The following FOXQ1 variants were observed in gnomAD, a reference collection of about 807,000 sequenced individuals.
FOXQ1 encodes the protein forkhead box protein Q1.
Under a neutral mutation model 0.6 loss-of-function variants are expected in FOXQ1, and 1 was observed. The ratio of observed to expected loss-of-function variants is 1.73; its 90% CI spans 0.61 to 8.20. The LOEUF (loss-of-function observed/expected upper bound fraction) is 8.20, where lower values mean the gene tolerates loss of function less well. FOXQ1 is among the 30% of genes most tolerant of loss of function. The pLI, the probability that FOXQ1 is intolerant of heterozygous loss-of-function variation, is 0.13. For missense variants in FOXQ1, 734 were observed against 595.6 expected, an observed-to-expected ratio of 1.23 and a Z score of -2.42; for synonymous variants, 377 against 294.4, an observed-to-expected ratio of 1.28 and a Z score of -2.87.
Position 1,312,925 on chromosome 6 carries a change from C to T in FOXQ1, c.221C>T (p.Ala74Val), listed in dbSNP as rs1162969602. 20 of 1,270,894 alleles carry T rather than the reference C, an allele frequency of 1.6e-5. No individual in the cohort carries two copies. The East Asian group carries it at 6.0e-4, about 38-fold the overall frequency. 78.7% of individuals were successfully genotyped at this position (1,270,894 alleles called of 1,614,324 possible). ...CAGAGTGCGGGAGGCGGGCCGGGCG[C>T]GGAGGAGGCGATCCCGGCAGCAGCT... ...GEQSAGGGPG[A>V]EEAIPAAAAA... Residue 74 changes from alanine (A) to valine (V), a missense_variant, in exon 1 of 1, where the codon GCG (alanine) becomes GTG (valine). Transcript: ENST00000296839.
In FOXQ1 at chr6:1,312,910, G is replaced by T. The variant is rs1232183706; in HGVS notation, c.206G>T (p.Gly69Val). Residue 69 changes from glycine (G) to valine (V), a missense_variant, in exon 1 of 1, where the codon GGA becomes GTA. Transcript: ENST00000296839. ...DTQGDGEQSA[G>V]GGPGAEEAIP... ...CAGGGCGACGGCGAACAGAGTGCGG[G>T]AGGCGGGCCGGGCGCGGAGGAGGCG... 6 of 1,279,780 alleles carry T rather than the reference G, an allele frequency of 4.7e-6. No homozygotes were observed. Among genetic ancestry groups the T allele is most frequent in the Non-Finnish European group, 5.9e-6 (6 of 1,017,364 alleles). The allele number at this position is 1,279,780 out of a possible 1,614,324, so 79.3% of individuals were successfully genotyped here.
chr6:1,313,506 TC>T lies in FOXQ1; in HGVS notation c.804del (p.Ser269AlafsTer134). The T allele has an allele frequency of 8.1e-7, 1 of 1,230,586 alleles. No homozygotes were observed. The highest frequency in any genetic ancestry group is 1.6e-5 in the South Asian group (1 of 61,318). The allele number at this position is 1,230,586 out of a possible 1,614,324, so 76.2% of individuals were successfully genotyped here. A position where few individuals can be genotyped will look rare whatever the true frequency, so the allele number is the denominator to read the frequency against. On this transcript the variant is annotated frameshift_variant, in exon 1 of 1. Coordinates refer to ENST00000296839, the MANE Select transcript of FOXQ1 (RefSeq NM_033260.4). LOFTEE classifies it low-confidence loss of function (END_TRUNC). This position sits in a 1 kb window ranked among gnomAD's most constrained non-coding sequence, Gnocchi z 5.2. ...EERASPAGKF[S>X]SSFAIDSILR... ...GCGCGCCAGCCCCGCGGGCAAGTTC[TC>T]CAGCTCCTTCGCCATCGACAGCATC...
At position 1,313,535 on chromosome 6, in the gene FOXQ1, G is replaced by T; in HGVS notation, c.831G>T (p.Leu277=). Residue 277 remains leucine, a synonymous_variant, in exon 1 of 1, where the codon CTG becomes CTT. Transcript: ENST00000296839. This position sits in a 1 kb window ranked among gnomAD's most constrained non-coding sequence, Gnocchi z 5.2. ...FSSSFAIDSI[L]RKPFRSRRLR... is the part of the protein sequence containing the mutation. ...GCTCCTTCGCCATCGACAGCATCCT[G>T]CGCAAGCCCTTCCGCAGCCGCCGCC... is the stretch of plus-strand genomic sequence containing the variant. 7.9e-7 allele frequency: 1 copy of T among 1,267,190 alleles called. No homozygotes were observed. Among genetic ancestry groups the T allele is most frequent in the South Asian group, 1.5e-5 (1 of 64,824 alleles). 78.5% of individuals were successfully genotyped at this position (1,267,190 alleles called of 1,614,324 possible).
Position 1,313,708 on chromosome 6 carries a change from G to C in FOXQ1, c.1004G>C (p.Gly335Ala). The C allele has an allele frequency of 3.7e-6, 4 of 1,072,968 alleles. No homozygotes were observed. The highest frequency in any genetic ancestry group is 4.5e-6 in the Non-Finnish European group (4 of 888,516). The allele number at this position is 1,072,968 out of a possible 1,614,324, so 66.5% of individuals were successfully genotyped here. ...GGCGCGGGCGAGCCGGCGCGGCTGG[G>C]CGCGCGCGAGGCCGAGGTGCCACCG... ...AYGAGEPARLGAREAEVPPTA... is the reference protein window; with the variant it reads ...AYGAGEPARLAAREAEVPPTA... The change falls in exon 1 of 1, where the codon GGC (glycine) becomes GCC (alanine). Residue 335 changes from glycine to alanine, a missense_variant. Coordinates refer to ENST00000296839, the MANE Select transcript of FOXQ1 (RefSeq NM_033260.4). The surrounding 1 kb of genome is among the most constrained non-coding windows in gnomAD (Gnocchi z 5.2).
chr6:1,313,432 C>T lies in FOXQ1; in HGVS notation c.728C>T (p.Pro243Leu), dbSNP rs557104756. 426 of 1,001,326 alleles carry T rather than the reference C, an allele frequency of 4.3e-4. 1 individual carries two copies. The African/African-American group carries it at 6.9e-3, about 16-fold the overall frequency. The allele number at this position is 1,001,326 out of a possible 1,614,324, so 62.0% of individuals were successfully genotyped here. Reference protein sequence around the residue: ...PGLPAAPPPAPAAPASPRMRS... With the variant: ...PGLPAAPPPALAAPASPRMRS... The stretch of plus-strand genomic sequence containing the variant: ...CTCCCCGCCGCCCCGCCGCCCGCGC[C>T]CGCCGCCCCGGCCTCGCCCCGCATG... The change falls in exon 1 of 1, where the codon CCC becomes CTC. Residue 243 changes from proline (P) to leucine (L), a missense_variant. Coordinates refer to ENST00000296839, the MANE Select transcript of FOXQ1 (RefSeq NM_033260.4). The surrounding 1 kb of genome is among the most constrained non-coding windows in gnomAD (Gnocchi z 5.2).
Position 1,312,817 on chromosome 6 carries a change from A to G in FOXQ1, c.113A>G (p.Asp38Gly). ...APSPLSAAGD[D>G]SLGSDGDCAA... ...TCCCCGCTGTCGGCGGCGGGAGACG[A>G]CTCCCTGGGCTCAGATGGGGACTGC... The change falls in exon 1 of 1, where the codon GAC becomes GGC. Residue 38 changes from aspartate (D) to glycine (G), a missense_variant. Asp to Gly is a moderately conservative substitution (Grantham distance 94). Coordinates refer to ENST00000296839, the MANE Select transcript of FOXQ1 (RefSeq NM_033260.4). 1 of 1,301,160 alleles carries G rather than the reference A, an allele frequency of 7.7e-7. No homozygotes were observed. Among genetic ancestry groups the G allele is most frequent in the Non-Finnish European group, 9.7e-7 (1 of 1,026,126 alleles). The allele number at this position is 1,301,160 out of a possible 1,614,324, so 80.6% of individuals were successfully genotyped here.
At position 1,313,867 on chromosome 6, in the gene FOXQ1, G is replaced by A. The variant is rs1462964118; in HGVS notation, c.1163G>A (p.Arg388His). 1.5e-6 allele frequency: 2 copies of A among 1,310,584 alleles called. No homozygotes were observed. The highest frequency in any genetic ancestry group is 2.3e-5 in the South Asian group (1 of 43,476). 81.2% of individuals were successfully genotyped at this position (1,310,584 alleles called of 1,614,324 possible). ...LPAALQAASV[R>H]RPGPHLPYPV... ...GCAGCCCTGCAGGCGGCCTCAGTCC[G>A]CCGCCCTGGCCCGCACCTGCCGTAC... The change falls in exon 1 of 1, where the codon CGC becomes CAC. Residue 388 changes from arginine to histidine, a missense_variant. Coordinates refer to ENST00000296839, the MANE Select transcript of FOXQ1 (RefSeq NM_033260.4). The surrounding 1 kb of genome is among the most constrained non-coding windows in gnomAD (Gnocchi z 5.2).
Position 1,313,528 on chromosome 6 carries a change from G to A in FOXQ1, c.824G>A (p.Ser275Asn). The change falls in exon 1 of 1, where the codon AGC becomes AAC. Residue 275 changes from serine (S) to asparagine (N), a missense_variant. By Grantham distance (46) the Ser-to-Asn change is conservative. Transcript: ENST00000296839. This position sits in a 1 kb window ranked among gnomAD's most constrained non-coding sequence, Gnocchi z 5.2. ...TTCTCCAGCTCCTTCGCCATCGACA[G>A]CATCCTGCGCAAGCCCTTCCGCAGC... ...GKFSSSFAID[S>N]ILRKPFRSRR... 2 of 1,264,442 alleles carry A rather than the reference G, an allele frequency of 1.6e-6. No individual in the cohort carries two copies. Among genetic ancestry groups the A allele is most frequent in the South Asian group, 1.5e-5 (1 of 65,806 alleles). 78.3% of individuals were successfully genotyped at this position (1,264,442 alleles called of 1,614,324 possible).
chr6:1,314,539 T>C lies in FOXQ1; in HGVS notation c.*623T>C, dbSNP rs1443647320. 6.0e-6 allele frequency: 1 copy of C among 166,960 alleles called. No individual in the cohort carries two copies. The highest frequency in any genetic ancestry group is 6.5e-5 in the Admixed American group (1 of 15,286). 10.3% of individuals were successfully genotyped at this position (166,960 alleles called of 1,614,324 possible). A position where few individuals can be genotyped will look rare whatever the true frequency, so the allele number is the denominator to read the frequency against. ...TGCAGGCAACGGGCTACAGCTTTAT[T>C]AGTGGTTCTCTAACTGTGGTCTCCT... On this transcript the variant is annotated 3_prime_UTR_variant, in exon 1 of 1. Transcript: ENST00000296839.
At position 1,314,340 on chromosome 6, in the gene FOXQ1, C is replaced by G. The variant is rs941496032; in HGVS notation, c.*424C>G. On this transcript the variant is annotated 3_prime_UTR_variant, in exon 1 of 1. Transcript: ENST00000296839. The stretch of plus-strand genomic sequence containing the variant: ...ACTACTGTTTGGGGTTTCTGGGCCC[C>G]CATCCGTGTACGTATGTGGCATTTC... 7 of 167,242 alleles carry G rather than the reference C, an allele frequency of 4.2e-5. No individual in the cohort carries two copies. The highest frequency in any genetic ancestry group is 1.7e-4 in the African/African-American group (7 of 41,454). The allele number at this position is 167,242 out of a possible 1,614,324, so 10.4% of individuals were successfully genotyped here. A position where few individuals can be genotyped will look rare whatever the true frequency, so the allele number is the denominator to read the frequency against.
chr6:1,312,956 A>C lies in FOXQ1; in HGVS notation c.252A>C (p.Ala84=). The C allele has an allele frequency of 7.8e-7, 1 of 1,282,310 alleles. No homozygotes were observed. Among genetic ancestry groups the C allele is most frequent in the East Asian group, 3.1e-5 (1 of 31,776 alleles). 79.4% of individuals were successfully genotyped at this position (1,282,310 alleles called of 1,614,324 possible). A position where few individuals can be genotyped will look rare whatever the true frequency, so the allele number is the denominator to read the frequency against. ...AEEAIPAAAA[A]AVVAEGAEAG... ...AGGCGATCCCGGCAGCAGCTGCTGC[A>C]GCGGTGGTGGCGGAGGGCGCGGAGG... The change falls in exon 1 of 1, where the codon GCA becomes GCC. Residue 84 remains alanine (A), a synonymous_variant. Transcript: ENST00000296839.
In FOXQ1 at chr6:1,313,023, G is replaced by C. The variant is rs751374101; in HGVS notation, c.319G>C (p.Glu107Gln). The C allele has an allele frequency of 1.1e-4, 164 of 1,456,118 alleles. 1 individual carries two copies. The East Asian group carries it at 4.3e-3, about 38-fold the overall frequency. The allele number at this position is 1,456,118 out of a possible 1,614,324, so 90.2% of individuals were successfully genotyped here. ...AGGCGCGGGCGGCGCGGGGAGCGGC[G>C]AGGGTGCACGCAGCAAGCCATATAC... ...GPGAGGAGSG[E>Q]GARSKPYTRR... Residue 107 changes from glutamate to glutamine, a missense_variant, in exon 1 of 1, where the codon GAG becomes CAG. Coordinates refer to ENST00000296839, the MANE Select transcript of FOXQ1 (RefSeq NM_033260.4). The surrounding 1 kb of genome is among the most constrained non-coding windows in gnomAD (Gnocchi z 5.2).
Position 1,312,740 on chromosome 6 carries a change from CG to C in FOXQ1, c.40del (p.Asp14ThrfsTer127), listed in dbSNP as rs752117907. ...AGGTGTTCGTCCCTCGCGCGGCCCA[CG>C]GGGACAAGCAGGGCAGTGACCTGGA... ...LEVFVPRAAH[G>X]DKQGSDLEGA... On this transcript the variant is annotated frameshift_variant, in exon 1 of 1. Coordinates refer to ENST00000296839, the MANE Select transcript of FOXQ1 (RefSeq NM_033260.4). LOFTEE classifies it low-confidence loss of function (END_TRUNC). 1.4e-5 allele frequency: 19 copies of C among 1,353,204 alleles called. No homozygotes were observed. The highest frequency in any genetic ancestry group is 1.8e-5 in the Non-Finnish European group (19 of 1,056,270). 83.8% of individuals were successfully genotyped at this position (1,353,204 alleles called of 1,614,324 possible).
Position 1,312,337 on chromosome 6 carries a change from A to G in FOXQ1, c.-368A>G. On this transcript the variant is annotated 5_prime_UTR_variant, in exon 1 of 1. Coordinates refer to ENST00000296839, the MANE Select transcript of FOXQ1 (RefSeq NM_033260.4). ...CCTCCTGGGCTCTTTAACGAGCAGC[A>G]GATGCGCATGCTGCTTCTCTCCGGC... 1 of 191,352 alleles carries G rather than the reference A, an allele frequency of 5.2e-6. No homozygotes were observed. Among genetic ancestry groups the G allele is most frequent in the East Asian group, 1.2e-4 (1 of 8,612 alleles). 11.9% of individuals were successfully genotyped at this position (191,352 alleles called of 1,614,324 possible).
chr6:1,313,934 G>A lies in FOXQ1; in HGVS notation c.*18G>A, dbSNP rs1360875105. On this transcript the variant is annotated 3_prime_UTR_variant, in exon 1 of 1. Coordinates refer to ENST00000296839, the MANE Select transcript of FOXQ1 (RefSeq NM_033260.4). This position sits in a 1 kb window ranked among gnomAD's most constrained non-coding sequence, Gnocchi z 5.2. ...TAGCCTGAGTAGCGCCGCGGGGCCC[G>A]GGAACGCCGAGTGCGCGCCGTCGGG... 3.3e-6 allele frequency: 4 copies of A among 1,225,490 alleles called. No homozygotes were observed. The highest frequency in any genetic ancestry group is 1.6e-5 in the African/African-American group (1 of 63,894). The allele number at this position is 1,225,490 out of a possible 1,614,324, so 75.9% of individuals were successfully genotyped here. A position where few individuals can be genotyped will look rare whatever the true frequency, so the allele number is the denominator to read the frequency against.
Position 1,313,408 on chromosome 6 carries a change from T to C in FOXQ1, c.704T>C (p.Leu235Pro). The change falls in exon 1 of 1, where the codon CTC becomes CCC. Residue 235 changes from leucine (L) to proline (P), a missense_variant. Coordinates refer to ENST00000296839, the MANE Select transcript of FOXQ1 (RefSeq NM_033260.4). This position sits in a 1 kb window ranked among gnomAD's most constrained non-coding sequence, Gnocchi z 5.2. ...CTGCGGCCCGAGGAGGCCCCGGGCC[T>C]CCCCGCCGCCCCGCCGCCCGCGCCC... is the stretch of plus-strand genomic sequence containing the variant. Reference protein sequence around the residue: ...PGLRPEEAPGLPAAPPPAPAA... With the variant: ...PGLRPEEAPGPPAAPPPAPAA... 1 of 1,054,404 alleles carries C rather than the reference T, an allele frequency of 9.5e-7. No individual in the cohort carries two copies. Among genetic ancestry groups the C allele is most frequent in the Non-Finnish European group, 1.1e-6 (1 of 874,944 alleles). The allele number at this position is 1,054,404 out of a possible 1,614,324, so 65.3% of individuals were successfully genotyped here.
At position 1,313,810 on chromosome 6, in the gene FOXQ1, G is replaced by A. The variant is rs1466499451; in HGVS notation, c.1106G>A (p.Gly369Asp). 5.1e-5 allele frequency: 65 copies of A among 1,281,220 alleles called. No homozygotes were observed. The highest frequency in any genetic ancestry group is 7.9e-5 in the South Asian group (3 of 37,792). The allele number at this position is 1,281,220 out of a possible 1,614,324, so 79.4% of individuals were successfully genotyped here. A position where few individuals can be genotyped will look rare whatever the true frequency, so the allele number is the denominator to read the frequency against. Residue 369 changes from glycine to aspartate, a missense_variant, in exon 1 of 1, where the codon GGC (glycine) becomes GAC (aspartate). Physicochemically the swap from Gly to Asp is moderately conservative, Grantham distance 94 (BLOSUM62 -1). Coordinates refer to ENST00000296839, the MANE Select transcript of FOXQ1 (RefSeq NM_033260.4). This position sits in a 1 kb window ranked among gnomAD's most constrained non-coding sequence, Gnocchi z 5.2. ...AKPLRGPAAG[G>D]AHLYCPLRLP... ...CCACTCCGAGGCCCGGCGGCCGGCG[G>A]CGCGCACCTGTACTGCCCCCTGCGG...
rs1269449468 is a variant in FOXQ1, at chr6:1,312,904, G to A, written c.200G>A (p.Ser67Asn). ...GATACGCAGGGCGACGGCGAACAGA[G>A]TGCGGGAGGCGGGCCGGGCGCGGAG... ...ARDTQGDGEQ[S>N]AGGGPGAEEA... The change falls in exon 1 of 1, where the codon AGT (serine) becomes AAT (asparagine). Residue 67 changes from serine to asparagine, a missense_variant. Coordinates refer to ENST00000296839, the MANE Select transcript of FOXQ1 (RefSeq NM_033260.4). 1.6e-6 allele frequency: 2 copies of A among 1,281,890 alleles called. No homozygotes were observed. The highest frequency in any genetic ancestry group is 8.1e-5 in the Admixed American group (2 of 24,808). The allele number at this position is 1,281,890 out of a possible 1,614,324, so 79.4% of individuals were successfully genotyped here.
Position 1,313,868 on chromosome 6 carries a change from C to T in FOXQ1, c.1164C>T (p.Arg388=). The T allele has an allele frequency of 7.6e-7, 1 of 1,311,312 alleles. No homozygotes were observed. The highest frequency in any genetic ancestry group is 2.3e-5 in the South Asian group (1 of 43,616). The allele number at this position is 1,311,312 out of a possible 1,614,324, so 81.2% of individuals were successfully genotyped here. A position where few individuals can be genotyped will look rare whatever the true frequency, so the allele number is the denominator to read the frequency against. Reference sequence around the variant, plus strand: ...CAGCCCTGCAGGCGGCCTCAGTCCGCCGCCCTGGCCCGCACCTGCCGTACC... The same window carrying T: ...CAGCCCTGCAGGCGGCCTCAGTCCGTCGCCCTGGCCCGCACCTGCCGTACC... The part of the protein sequence containing the change: ...LPAALQAASV[R]RPGPHLPYPV... Residue 388 remains arginine (R), a synonymous_variant, in exon 1 of 1, where the codon CGC becomes CGT. Transcript: ENST00000296839. The surrounding 1 kb of genome is among the most constrained non-coding windows in gnomAD (Gnocchi z 5.2).
Sources: allele counts gnomAD v4.1 joint callset, GRCh38; gene constraint gnomAD v4.1.1; non-coding constraint Gnocchi (gnomAD v3.1); transcripts MANE v1.5; gene names NCBI Gene and HGNC (gene_info 2026-07-23, HGNC 2026-07-21).